Variants in DNAH14 observed in about 807,000 individuals in gnomAD.
DNAH14 encodes dynein axonemal heavy chain 14, also known as axonemal beta dynein heavy chain 14.
A neutral mutation model predicts 520.9 loss-of-function variants in DNAH14; 478 were observed. The observed-to-expected ratio is 0.92, with a 90% CI of 0.85 to 0.99. DNAH14 has a LOEUF of 0.99. Among genes scored for constraint, DNAH14 ranks in the 50% least tolerant of loss-of-function variants. DNAH14 has a pLI of 0.00. For missense variants in DNAH14, 4,831 were observed against 5,234.5 expected (o/e 0.92, Z 2.38); for synonymous variants, 1,581 against 1,757.2 (o/e 0.90, Z 2.51).
chr1:225,249,099 G>C (rs785177), intron 43 of DNAH14, among the ~76,000 whole-genome samples: 48,675 of 152,018 alleles, frequency 0.32, 9,076 homozygotes, highest in East Asian at 0.61. Flanking sequence ...AAAGCCCCTC[G>C]TAGAGCCAAT....
intron 17 of DNAH14, among the ~76,000 whole-genome samples, chr1:225,072,870 T>A (rs986214267): frequency 4.0e-4 from 60 of 151,602 alleles, no homozygotes; most frequent in African/African-American, 1.4e-3. Context: ...GCCTGCCCCT[T>A]CTCCTGGGAG....
At chr1:225,182,974 T>C (rs956091848) in intron 36 of DNAH14, among the ~76,000 whole-genome samples, 3 of 152,146 alleles carry the variant, frequency 2.0e-5, no homozygotes, top group African/African-American at 7.2e-5. Flanking sequence ...GGGATTTGGG[T>C]GTGGCCCTGC....
At chr1:225,014,053 T>C (rs1407635184) in intron 10 of DNAH14, among the ~76,000 whole-genome samples, 1 of 151,968 alleles carries the variant, frequency 6.6e-6, no homozygotes. Flanking sequence ...AGCCATCCAG[T>C]TTTGTGTTTG....
chr1:225,013,272 G>T (rs576589857), intron 10 of DNAH14, among the ~76,000 whole-genome samples: 1 of 152,194 alleles, frequency 6.6e-6, no homozygotes, highest in South Asian at 2.1e-4. Flanking sequence ...TTTAGCCCCT[G>T]TTTGCCTGGG....
chr1:225,355,954 T>C lies in DNAH14; in HGVS notation c.11619+2066T>C, dbSNP rs1265233222. On this transcript the variant is annotated intron_variant, in intron 73 of 85. Transcript: ENST00000682510. ...CCACAATTCTACCTTCTGCCTCCCA[T>C]CATGCTTATGTCTGGCTTATTTCAC... is the stretch of plus-strand genomic sequence containing the variant. 2.6e-5 allele frequency among the ~76,000 whole-genome samples: 4 copies of C among 152,302 alleles called. No individual in the cohort carries two copies. The East Asian group carries it at 7.7e-4, about 29-fold the overall frequency.
At chr1:225,354,159 T>G (rs1164993783) in intron 73 of DNAH14, 5 of 702,498 alleles carry the variant, frequency 7.1e-6, no homozygotes, top group Non-Finnish European at 1.3e-5. Flanking sequence ...TTTTGGGATT[T>G]GTCTGCCTAT....
chr1:225,086,675 A>G (rs1453397238), intron 21 of DNAH14, among the ~76,000 whole-genome samples: 1 of 152,130 alleles, frequency 6.6e-6, no homozygotes, highest in Non-Finnish European at 1.5e-5. Context: ...TACAGAAAAA[A>G]ATAAACCAAA....
At chr1:225,238,807 C>T (rs1463274201) in intron 42 of DNAH14, among the ~76,000 whole-genome samples, 2 of 152,116 alleles carry the variant, frequency 1.3e-5, no homozygotes, top group African/African-American at 4.8e-5. Context: ...TCCAAATAAC[C>T]CTGGGGGGAG....
At chr1:225,111,490 T>G (rs1163882903) in intron 23 of DNAH14, among the ~76,000 whole-genome samples, 2 of 152,130 alleles carry the variant, frequency 1.3e-5, no homozygotes, top group Non-Finnish European at 2.9e-5. Flanking sequence ...GAATATCTTT[T>G]TCCACCCTTT....
At chr1:225,058,714 G>C (rs1471051987) in intron 17 of DNAH14, among the ~76,000 whole-genome samples, 5 of 152,112 alleles carry the variant, frequency 3.3e-5, no homozygotes, top group Non-Finnish European at 7.3e-5. Flanking sequence ...GTTTCGCAGA[G>C]ATTCTGGTAT....
rs758916485 is a variant in DNAH14, at chr1:225,340,677, T to C, written c.10654T>C (p.Leu3552=). ...TCTTGAAGAACTAGAGGAAAAAACA[T>C]TAAATTTACTGCAGAAAGCACTAGG... ...ITLEELEEKT[L]NLLQKALGSI... The change falls in exon 69 of 86, where the codon TTA becomes CTA. Residue 3552 remains leucine, a synonymous_variant. Coordinates refer to ENST00000682510, the MANE Select transcript of DNAH14 (RefSeq NM_001367479.1). 2.6e-6 allele frequency: 4 copies of C among 1,551,310 alleles called. No homozygotes were observed. The highest frequency in any genetic ancestry group is 3.5e-6 in the Non-Finnish European group (4 of 1,146,820).
intron 37 of DNAH14, among the ~76,000 whole-genome samples, chr1:225,191,589 C>T (rs2085448651): frequency 6.6e-6 from 1 of 151,838 alleles, no homozygotes; most frequent in Admixed American, 6.6e-5. Context: ...TATTTTATAT[C>T]TTTCATTAAT....
intron 54 of DNAH14, among the ~76,000 whole-genome samples, chr1:225,280,702 A>C (rs897032698): frequency 1.6e-4 from 24 of 152,178 alleles, no homozygotes; most frequent in African/African-American, 4.8e-4. Context: ...GACACATCAT[A>C]GTCAACCATT....
At chr1:225,335,277 G>T (rs1421767476) in intron 66 of DNAH14, among the ~76,000 whole-genome samples, 1 of 130,174 alleles carries the variant, frequency 7.7e-6, no homozygotes, top group Non-Finnish European at 1.7e-5. Flanking sequence ...CGTGTACATT[G>T]TGTGTATATG....
chr1:225,330,737 C>A (rs555888121), intron 64 of DNAH14, among the ~76,000 whole-genome samples: 1 of 152,058 alleles, frequency 6.6e-6, no homozygotes, highest in Non-Finnish European at 1.5e-5. Context: ...AGACCTAGTA[C>A]GTGATAGCAC....
chr1:225,302,353 T>TTTG (rs1434873616), intron 56 of DNAH14, among the ~76,000 whole-genome samples: 1 of 152,184 alleles, frequency 6.6e-6, no homozygotes, highest in Non-Finnish European at 1.5e-5. Context: ...CCTTTATAAA[T>TTTG]TTGTTAAAGA....
chr1:225,145,577 G>A (rs16844355), intron 30 of DNAH14, among the ~76,000 whole-genome samples, 198 bp downstream of exon 30: 10,526 of 152,136 alleles, frequency 0.069, 585 homozygotes, highest in East Asian at 0.24. Context: ...CATATACGAT[G>A]CTTTTATTCA....
At chr1:225,128,633 C>T (rs987791512) in intron 27 of DNAH14, among the ~76,000 whole-genome samples, 2 of 151,628 alleles carry the variant, frequency 1.3e-5, no homozygotes, top group South Asian at 2.1e-4. Context: ...ATGCTAAAAA[C>T]TCTCAATAAA....
At chr1:225,336,377 G>T (rs2095055252) in intron 66 of DNAH14, among the ~76,000 whole-genome samples, 1 of 151,978 alleles carries the variant, frequency 6.6e-6, no homozygotes, top group African/African-American at 2.4e-5. Context: ...CTAGACTTAA[G>T]CTCATTTTAC....
Sources: gnomAD v4.1 joint callset for allele counts (sites outside exome capture counted in the v4.1 genomes callset) on GRCh38, gnomAD v4.1.1 for gene constraint, MANE v1.5 for transcripts, NCBI Gene and HGNC (gene_info 2026-07-23, HGNC 2026-07-21) for gene names.